Variants in PIK3R1 observed in about 807,000 individuals in gnomAD.
PIK3R1 encodes phosphoinositide-3-kinase regulatory subunit 1.
Under a neutral mutation model 98.0 loss-of-function variants are expected in PIK3R1, and 29 were observed. The observed-to-expected ratio is 0.30, with a 90% confidence interval of 0.22 to 0.40. The LOEUF (loss-of-function observed/expected upper bound fraction) is 0.40, where lower values mean the gene tolerates loss of function less well. Among genes scored for constraint, PIK3R1 ranks in the 10% least tolerant of loss-of-function variants. The pLI is 1.00. For missense variants in PIK3R1, 596 were observed against 872.7 expected, an observed-to-expected ratio of 0.68 and a Z score of 3.99; for synonymous variants, 282 against 311.8, an observed-to-expected ratio of 0.90 and a Z score of 1.01.
intron 5 of PIK3R1, 121 bp downstream of exon 5, chr5:68,279,854 C>G: frequency 2.3e-6 from 2 of 881,494 alleles, no homozygotes; most frequent in South Asian, 1.8e-5. Flanking sequence ...TGTCCCTCCC[C>G]CAACAATACC....
In PIK3R1 at chr5:68,299,985, C is replaced by T. The variant is rs1419232100; in HGVS notation, c.*2384C>T. 8.6e-6 allele frequency: 2 copies of T among 233,052 alleles called. No individual in the cohort carries two copies. The highest frequency in any genetic ancestry group is 1.7e-5 in the Non-Finnish European group (2 of 118,006). The allele number at this position is 233,052 out of a possible 1,614,324, so 14.4% of individuals were successfully genotyped here. A position where few individuals can be genotyped will look rare whatever the true frequency, so the allele number is the denominator to read the frequency against. On this transcript the variant is annotated 3_prime_UTR_variant, in exon 16 of 16. Transcript: ENST00000521381. The stretch of plus-strand genomic sequence containing the variant: ...ACAAGTCTAACAGTTAATTAGTTAA[C>T]AGTTTTTAAACTAGGTTTGTGGGTA...
chr5:68,279,296 A>G (rs1419045189), intron 4 of PIK3R1, among the ~76,000 whole-genome samples: 1 of 152,136 alleles, frequency 6.6e-6, no homozygotes, highest in Non-Finnish European at 1.5e-5. Flanking sequence ...TAACAAAGGC[A>G]TTATTTTTTG....
At chr5:68,271,656 A>G (rs1315569802) in intron 2 of PIK3R1, among the ~76,000 whole-genome samples, 1 of 152,246 alleles carries the variant, frequency 6.6e-6, no homozygotes, top group African/African-American at 2.4e-5. Flanking sequence ...TCATTGCTTT[A>G]TCAGAGAGCA....
At chr5:68,289,756 A>G (rs1250461277) in intron 7 of PIK3R1, among the ~76,000 whole-genome samples, 1 of 131,804 alleles carries the variant, frequency 7.6e-6, no homozygotes, top group Non-Finnish European at 1.6e-5. Flanking sequence ...AGAGGGGGAA[A>G]AGCAAAAAAA....
chr5:68,221,163 T>G (rs1294259512), intron 1 of PIK3R1, among the ~76,000 whole-genome samples: 1 of 152,228 alleles, frequency 6.6e-6, no homozygotes, highest in Non-Finnish European at 1.5e-5. Flanking sequence ...TCTTGGACTT[T>G]CCAGCCTCCA....
At chr5:68,247,220 G>A (rs1745133158) in intron 2 of PIK3R1, among the ~76,000 whole-genome samples, 1 of 152,164 alleles carries the variant, frequency 6.6e-6, no homozygotes, top group South Asian at 2.1e-4. Context: ...CTGCTCTCAT[G>A]GTCTCTCTTA....
At chr5:68,249,168 C>A (rs1745209186) in intron 2 of PIK3R1, among the ~76,000 whole-genome samples, 2 of 152,174 alleles carry the variant, frequency 1.3e-5, no homozygotes, top group African/African-American at 4.8e-5. Context: ...CCTTCTTTCT[C>A]TTCTATTTTT....
At chr5:68,296,052 T>G in intron 14 of PIK3R1, 119 bp from the exon 15 acceptor site, 1 of 937,660 alleles carries the variant, frequency 1.1e-6, no homozygotes, top group Non-Finnish European at 1.6e-6. Context: ...TGATGGCCAG[T>G]CTGACTGGCT....
intron 2 of PIK3R1, among the ~76,000 whole-genome samples, chr5:68,236,737 T>C (rs1270941176): frequency 6.6e-6 from 1 of 152,226 alleles, no homozygotes; most frequent in Non-Finnish European, 1.5e-5. Flanking sequence ...TGAATTTTGC[T>C]TTTTGGGTGG....
intron 2 of PIK3R1, among the ~76,000 whole-genome samples, chr5:68,246,511 C>T (rs1745094219): frequency 6.6e-6 from 1 of 152,116 alleles, no homozygotes; most frequent in Non-Finnish European, 1.5e-5. Flanking sequence ...CAGGGTTTCA[C>T]CATGTTAGCC....
intron 7 of PIK3R1, among the ~76,000 whole-genome samples, chr5:68,283,589 C>T (rs1195346391): frequency 6.6e-6 from 1 of 152,168 alleles, no homozygotes; most frequent in Non-Finnish European, 1.5e-5. Context: ...ATAAATTACA[C>T]AGTACAAAAT....
rs1041229371 is a variant in PIK3R1 at position 68,297,063 on chromosome 5, C to T, written c.1986-349C>T. On this transcript the variant is annotated intron_variant, in intron 15 of 15. Coordinates refer to ENST00000521381, the MANE Select transcript of PIK3R1 (RefSeq NM_181523.3). ...TAACACTGCTAGTCATGGAGCACTG[C>T]AGATAGTTGTCCTCATCATGATTGG... Among the ~76,000 whole-genome samples the T allele has an allele frequency of 2.0e-5, 3 of 152,194 alleles. No homozygotes were observed. The East Asian group carries it at 5.8e-4, about 29-fold the overall frequency.
intron 1 of PIK3R1, among the ~76,000 whole-genome samples, chr5:68,216,607 T>C (rs1298170687): frequency 6.6e-6 from 1 of 151,924 alleles, no homozygotes; most frequent in Non-Finnish European, 1.5e-5. Flanking sequence ...GGGCAGGTTG[T>C]TGGAGGCATA....
rs1296999890 is a variant in PIK3R1 at position 68,297,926 on chromosome 5, T to TAATA, written c.*327_*328insTAAA. The TAATA allele has an allele frequency of 1.2e-5, 3 of 249,808 alleles. No individual in the cohort carries two copies. The highest frequency in any genetic ancestry group is 2.3e-5 in the Non-Finnish European group (3 of 129,198). The allele number at this position is 249,808 out of a possible 1,614,324, so 15.5% of individuals were successfully genotyped here. On this transcript the variant is annotated 3_prime_UTR_variant, in exon 16 of 16. Coordinates refer to ENST00000521381, the MANE Select transcript of PIK3R1 (RefSeq NM_181523.3). Reference sequence around the variant, plus strand: ...CTGCGTGCAGGGACAAAGAGGCCTTTAACCATGGTGCTTGTTAATGCTTTC... The same window carrying TAATA: ...CTGCGTGCAGGGACAAAGAGGCCTTTAATAAACCATGGTGCTTGTTAATGCTTTC...
At chr5:68,219,803 T>C (rs1744031094) in intron 1 of PIK3R1, among the ~76,000 whole-genome samples, 1 of 152,256 alleles carries the variant, frequency 6.6e-6, no homozygotes, top group Non-Finnish European at 1.5e-5. Flanking sequence ...TAAATCTGAA[T>C]TGTATAAATG....
At chr5:68,227,699 G>A (rs988301278) in intron 2 of PIK3R1, among the ~76,000 whole-genome samples, 3 of 152,164 alleles carry the variant, frequency 2.0e-5, no homozygotes, top group African/African-American at 7.2e-5. Context: ...TTCCTCTCCA[G>A]GATCGCTGTG....
chr5:68,259,095 G>T (rs553538893), intron 2 of PIK3R1, among the ~76,000 whole-genome samples: 1 of 152,298 alleles, frequency 6.6e-6, no homozygotes. Flanking sequence ...ATGCTGCTCA[G>T]TGCAGGAGCC....
At position 68,279,815 on chromosome 5, in the gene PIK3R1, A is replaced by C. The variant is rs8192680; in HGVS notation, c.634+82A>C. 283 of 1,357,080 alleles carry C rather than the reference A, an allele frequency of 2.1e-4. 1 individual carries two copies. In the African/African-American group the frequency reaches 3.8e-3, roughly 18 times the overall value. 84.1% of individuals were successfully genotyped at this position (1,357,080 alleles called of 1,614,324 possible). ...TTGTATATGTCTTGCATATATAGAA[A>C]TAGTGGTTAGAAAATAGTAGTAATA... On this transcript the variant is annotated intron_variant, in intron 5 of 15. Coordinates refer to ENST00000521381, the MANE Select transcript of PIK3R1 (RefSeq NM_181523.3).
chr5:68,216,485 C>G (rs1212641946), intron 1 of PIK3R1, among the ~76,000 whole-genome samples: 5 of 152,096 alleles, frequency 3.3e-5, no homozygotes, highest in African/African-American at 1.2e-4. Context: ...AGCTCGTCCC[C>G]TAACCCCCGC....
Sources: allele counts gnomAD v4.1 joint callset (sites outside exome capture counted in the v4.1 genomes callset), GRCh38; gene constraint gnomAD v4.1.1; transcripts MANE v1.5; gene names NCBI Gene and HGNC (gene_info 2026-07-23, HGNC 2026-07-21).